Variants in AIM2 observed in about 807,000 individuals in gnomAD.
AIM2 encodes interferon-inducible protein AIM2.
A neutral mutation model predicts 27.7 loss-of-function variants in AIM2; 30 were observed. The ratio of observed to expected loss-of-function variants is 1.08; its 90% CI spans 0.81 to 1.47. The LOEUF is 1.47. AIM2 is among the 40% of genes most tolerant of loss of function. AIM2 has a pLI of 0.00. For missense variants in AIM2, 358 were observed against 411.3 expected (o/e 0.87, Z 1.12); for synonymous variants, 141 against 145.3 (o/e 0.97, Z 0.21).
intron 1 of AIM2, among the ~76,000 whole-genome samples, chr1:159,088,087 A>G (rs552983219): frequency 6.6e-6 from 1 of 152,340 alleles, no homozygotes; most frequent in Admixed American, 6.5e-5. Context: ...TTGAGTCTCT[A>G]GGTGGAACAT....
Position 159,120,052 on chromosome 1 carries a change from G to A in AIM2, c.-16+20379C>T, listed in dbSNP as rs574752504. ...TACAACTTAGATTTGATTTTATAGA[G>A]TTATCTCCCCTCCTAATTTCTTTGT... On this transcript the variant is annotated intron_variant, in intron 1 of 2. Transcript: ENST00000368129. Among the ~76,000 whole-genome samples the A allele has an allele frequency of 5.3e-5, 8 of 151,978 alleles. No homozygotes were observed. The South Asian group carries it at 1.7e-3, about 32-fold the overall frequency.
At chr1:159,135,478 C>T (rs1033723987) in intron 1 of AIM2, among the ~76,000 whole-genome samples, 1 of 152,148 alleles carries the variant, frequency 6.6e-6, no homozygotes, top group Non-Finnish European at 1.5e-5. Context: ...AAGTCTACGA[C>T]TTCAGAGAAA....
At chr1:159,141,689 C>CCA (rs764780989), upstream of AIM2, among the ~76,000 whole-genome samples, 4 of 152,188 alleles carry the variant, frequency 2.6e-5, no homozygotes, top group Non-Finnish European at 2.9e-5. Context: ...AGAGACCTCA[C>CCA]CACACACACA....
chr1:159,059,711 G>A (rs1465926200), downstream of AIM2, among the ~76,000 whole-genome samples: 1 of 152,104 alleles, frequency 6.6e-6, no homozygotes, highest in Non-Finnish European at 1.5e-5. Flanking sequence ...ACCTTTGCTT[G>A]CTTTCCTTAA....
intron 1 of AIM2, chr1:159,132,372 A>G (rs1398014162): frequency 6.6e-6 from 1 of 152,022 alleles, no homozygotes; most frequent in African/African-American, 2.4e-5. Context: ...CAACAAGAAC[A>G]AAACTCTGTC....
chr1:159,068,164 C>A (rs753523097), intron 3 of AIM2, among the ~76,000 whole-genome samples: 5 of 152,124 alleles, frequency 3.3e-5, no homozygotes, highest in African/African-American at 4.8e-5. Flanking sequence ...TCTCAGCTCC[C>A]GAGCTCCCTG....
chr1:159,062,316 G>T (rs985709173), downstream of AIM2, among the ~76,000 whole-genome samples: 4 of 152,098 alleles, frequency 2.6e-5, no homozygotes, highest in African/African-American at 9.7e-5. Flanking sequence ...TTCACATGTT[G>T]TACAGGATCT....
chr1:159,087,597 G>T lies in AIM2; in HGVS notation c.-15-21268C>A, dbSNP rs1350300177. ...TCTTTTTTTTTTTTTTTTTGAGATG[G>T]AGTCTTGCTCTGTCACCCGGGCTGG... On this transcript the variant is annotated intron_variant, in intron 1 of 2. Coordinates refer to the AIM2 transcript ENST00000368129. Among the ~76,000 whole-genome samples, 3 of 142,538 alleles carry T rather than the reference G, an allele frequency of 2.1e-5. No individual in the cohort carries two copies. The East Asian group carries it at 6.1e-4, about 29-fold the overall frequency. 93.5% of individuals were successfully genotyped at this position (142,538 alleles called of 152,430 possible).
chr1:159,126,581 G>A (rs1003148766), intron 1 of AIM2, among the ~76,000 whole-genome samples: 3 of 144,278 alleles, frequency 2.1e-5, no homozygotes, highest in East Asian at 2.0e-4. Flanking sequence ...CCTGGGAGGC[G>A]AAGCTTGCAG....
chr1:159,123,018 G>A (rs1647582031), intron 1 of AIM2, among the ~76,000 whole-genome samples: 1 of 152,164 alleles, frequency 6.6e-6, no homozygotes, highest in African/African-American at 2.4e-5. Flanking sequence ...TTTCATCATA[G>A]TCTAATTTAG....
At chr1:159,091,009 A>G (rs1199519739) in intron 1 of AIM2, among the ~76,000 whole-genome samples, 1 of 152,038 alleles carries the variant, frequency 6.6e-6, no homozygotes, top group African/African-American at 2.4e-5. Context: ...TTTCCCTTTC[A>G]GTCTCTTGCT....
rs1439971783 is a variant in AIM2 at position 159,073,218 on chromosome 1, G to T, written c.262+20C>A. On this transcript the variant is annotated intron_variant, in intron 2 of 5. Coordinates refer to ENST00000368130, the MANE Select transcript of AIM2 (RefSeq NM_004833.3). ...CTTGGCAGAAAAAGGGACGGGGCAGGTGTGGAACTCCCACATTACCTTTCT... is the reference window on the plus strand; with the variant it reads ...CTTGGCAGAAAAAGGGACGGGGCAGTTGTGGAACTCCCACATTACCTTTCT... 3 of 1,613,318 alleles carry T rather than the reference G, an allele frequency of 1.9e-6. No individual in the cohort carries two copies. Among genetic ancestry groups the T allele is most frequent in the Non-Finnish European group, 2.5e-6 (3 of 1,179,412 alleles).
In AIM2 at chr1:159,115,262, G is replaced by A. The variant is rs945304365; in HGVS notation, c.-16+25169C>T. Among the ~76,000 whole-genome samples the A allele has an allele frequency of 3.2e-4, 49 of 151,336 alleles. 1 individual carries two copies. Among genetic ancestry groups the A allele is most frequent in the Non-Finnish European group, 4.4e-5 (3 of 67,818 alleles). ...TCGTGAAAATGGCCATACTGCCCAA[G>A]GTAATTTATAGATTCAATGCCATCC... On this transcript the variant is annotated intron_variant, in intron 1 of 2. Coordinates refer to the AIM2 transcript ENST00000368129.
At chr1:159,126,587 T>A (rs936472840) in intron 1 of AIM2, among the ~76,000 whole-genome samples, 1 of 146,038 alleles carries the variant, frequency 6.8e-6, no homozygotes, top group African/African-American at 2.5e-5. Context: ...AGGCGAAGCT[T>A]GCAGTGAGCC....
intron 1 of AIM2, among the ~76,000 whole-genome samples, chr1:159,105,108 G>GAGCA (rs969705103): frequency 3.3e-5 from 5 of 152,234 alleles, no homozygotes; most frequent in African/African-American, 1.2e-4. Context: ...GCCAGGCACA[G>GAGCA]AGCAGCAAGG....
At chr1:159,118,978 G>A (rs1647457858) in intron 1 of AIM2, among the ~76,000 whole-genome samples, 1 of 152,028 alleles carries the variant, frequency 6.6e-6, no homozygotes, top group African/African-American at 2.4e-5. Flanking sequence ...TTTGGCTGAG[G>A]CCCAGCTGTG....
At chr1:159,094,136 C>T (rs143314903) in intron 1 of AIM2, among the ~76,000 whole-genome samples, 162 of 152,214 alleles carry the variant, frequency 1.1e-3, no homozygotes, top group African/African-American at 3.7e-3. Flanking sequence ...AAAATTTAGT[C>T]GTAACTTCAG....
At chr1:159,133,232 C>T (rs1482089895) in intron 1 of AIM2, among the ~76,000 whole-genome samples, 1 of 152,014 alleles carries the variant, frequency 6.6e-6, no homozygotes, top group Non-Finnish European at 1.5e-5. Flanking sequence ...ATAGCTTTCA[C>T]AGAAACTCAA....
chr1:159,136,065 C>T (rs1303702998), intron 1 of AIM2, among the ~76,000 whole-genome samples: 2 of 152,068 alleles, frequency 1.3e-5, no homozygotes, highest in Non-Finnish European at 2.9e-5. Context: ...CTTCTCTGCT[C>T]GTAGCCCTAG....
Sources: allele counts gnomAD v4.1 joint callset (sites outside exome capture counted in the v4.1 genomes callset), GRCh38; gene constraint gnomAD v4.1.1; transcripts MANE v1.5; gene names NCBI Gene and HGNC (gene_info 2026-07-23, HGNC 2026-07-21).